The following IL13RA1 variants were observed in gnomAD, a reference collection of about 807,000 sequenced individuals.
IL13RA1 encodes interleukin 13 receptor subunit alpha 1.
A neutral mutation model predicts 33.8 loss-of-function variants in IL13RA1; 14 were observed. The observed-to-expected ratio is 0.41, with a 90% confidence interval of 0.27 to 0.65. The LOEUF is 0.65. Among genes scored for constraint, IL13RA1 ranks in the 30% least tolerant of loss-of-function variants. The probability of loss-of-function intolerance (pLI) is 0.28; values close to 1 mark genes in which losing one functional copy is unlikely to be tolerated. For missense variants in IL13RA1, 313 were observed against 327.0 expected, an observed-to-expected ratio of 0.96 and a Z score of 0.33; for synonymous variants, 116 against 115.7, an observed-to-expected ratio of 1.00 and a Z score of -0.02.
rs754951330 is a variant in IL13RA1 at position 118,746,939 on chromosome X, AT to A, written c.229-11del. 1.7e-6 allele frequency: 2 copies of A among 1,171,712 alleles called. No homozygotes were observed. The highest frequency in any genetic ancestry group is 3.7e-5 in the South Asian group (2 of 54,219). ...GTTAGCTGAAGCAATGCCTTTTTCA[AT>A]TTTCTAACCTTAGAAAATAGCTCCG... is the stretch of plus-strand genomic sequence containing the variant. On this transcript the variant is annotated splice_polypyrimidine_tract_variant and intron_variant, in intron 2 of 10. Transcript: ENST00000371666.
downstream of IL13RA1, chrX:118,794,593 G>A (rs1218376531): frequency 8.9e-6 from 1 of 111,843 alleles, no homozygotes; most frequent in Non-Finnish European, 1.9e-5. Flanking sequence ...GAAAATTGGA[G>A]TTAAAAGAAG....
intron 1 of IL13RA1, among the ~76,000 whole-genome samples, chrX:118,730,276 C>G (rs1056711794): frequency 8.9e-6 from 1 of 111,881 alleles, no homozygotes; most frequent in Non-Finnish European, 1.9e-5. Context: ...TCAGCCTGGG[C>G]GACAGAGCAA....
At chrX:118,784,178 C>A (rs2017891757) in intron 10 of IL13RA1, among the ~76,000 whole-genome samples, 2 of 78,500 alleles carry the variant, frequency 2.5e-5, no homozygotes, top group South Asian at 6.6e-4. Flanking sequence ...TATATATATT[C>A]TTTTAAAAGC....
At chrX:118,787,094 G>A (rs1338074663) in intron 10 of IL13RA1, among the ~76,000 whole-genome samples, 1 of 111,802 alleles carries the variant, frequency 8.9e-6, no homozygotes, top group African/African-American at 3.3e-5. Flanking sequence ...TTTTGTTGTA[G>A]ATTTCATCTT....
chrX:118,758,965 C>CT (rs1484973646), intron 5 of IL13RA1: 1 of 111,863 alleles, frequency 8.9e-6, no homozygotes, highest in Non-Finnish European at 1.9e-5. Flanking sequence ...CCATCTGACT[C>CT]TAAGGTCTAG....
At chrX:118,788,626 C>T (rs1236407751) in intron 10 of IL13RA1, among the ~76,000 whole-genome samples, 2 of 111,361 alleles carry the variant, frequency 1.8e-5, no homozygotes, top group Non-Finnish European at 3.8e-5. Context: ...ACCCTGGTCC[C>T]CTATAATATA....
chrX:118,737,605 A>G (rs1268922372), intron 1 of IL13RA1, among the ~76,000 whole-genome samples: 2 of 112,387 alleles, frequency 1.8e-5, no homozygotes, highest in Non-Finnish European at 3.8e-5. Context: ...CAAACCAGTT[A>G]GAAGATCTGA....
intron 3 of IL13RA1, among the ~76,000 whole-genome samples, chrX:118,748,111 AATAT>A (rs2017430209): frequency 9.9e-6 from 1 of 101,085 alleles, no homozygotes; most frequent in Non-Finnish European, 2.0e-5. Flanking sequence ...CATTATATGT[AATAT>A]ATATAATATT....
chrX:118,758,328 C>G (rs2997048), intron 5 of IL13RA1, 86 bp downstream of exon 5: 112,057 of 439,327 alleles, frequency 0.26, 12,680 homozygotes, highest in African/African-American at 0.52. Flanking sequence ...AAAAAATGAT[C>G]ATTCTGGGTT....
the IL13RA1 span, among the ~76,000 whole-genome samples, chrX:118,803,891 TTCC>T: frequency 2.0e-5 from 2 of 100,949 alleles, no homozygotes; most frequent in Non-Finnish European, 4.0e-5. Flanking sequence ...CCTTCCTTCC[TTCC>T]TTCCTTCCTT....
At chrX:118,731,592 A>G (rs1289572451) in intron 1 of IL13RA1, among the ~76,000 whole-genome samples, 2 of 111,224 alleles carry the variant, frequency 1.8e-5, no homozygotes, top group Admixed American at 9.5e-5. Flanking sequence ...AAAAAAAAAA[A>G]AAGCAACTCT....
intron 1 of IL13RA1, among the ~76,000 whole-genome samples, chrX:118,735,342 C>A (rs1187620724): frequency 9.0e-6 from 1 of 110,723 alleles, no homozygotes; most frequent in Non-Finnish European, 1.9e-5. Flanking sequence ...TTATTTCCTT[C>A]CTTATGATAG....
chrX:118,794,837 C>T (rs1241126143), downstream of IL13RA1, among the ~76,000 whole-genome samples: 1 of 111,251 alleles, frequency 9.0e-6, no homozygotes, highest in Non-Finnish European at 1.9e-5. Context: ...TAATATTAAG[C>T]TAAAGTGGAA....
chrX:118,749,040 C>T (rs1049138027), intron 3 of IL13RA1, among the ~76,000 whole-genome samples: 2 of 111,492 alleles, frequency 1.8e-5, no homozygotes, highest in Middle Eastern at 4.6e-3. Flanking sequence ...CTCAGCCTCC[C>T]GAGTAGCTGG....
At chrX:118,780,739 C>A (rs2017834238) in intron 10 of IL13RA1, among the ~76,000 whole-genome samples, 1 of 112,102 alleles carries the variant, frequency 8.9e-6, no homozygotes, top group Admixed American at 9.5e-5. Context: ...CCAAACACTT[C>A]CCACCAGGCC....
At chrX:118,730,113 A>C (rs2017199715) in intron 1 of IL13RA1, among the ~76,000 whole-genome samples, 1 of 112,104 alleles carries the variant, frequency 8.9e-6, no homozygotes, top group African/African-American at 3.2e-5. Context: ...GAGCCTGGCC[A>C]ACATGGCAAA....
chrX:118,780,121 A>T (rs1048641331), intron 10 of IL13RA1, among the ~76,000 whole-genome samples: 1 of 112,168 alleles, frequency 8.9e-6, no homozygotes, highest in Non-Finnish European at 1.9e-5. Flanking sequence ...AAAATTCCAG[A>T]TATGGGGAAG....
intron 1 of IL13RA1, among the ~76,000 whole-genome samples, chrX:118,739,328 G>T (rs1052356413): frequency 1.8e-5 from 2 of 111,804 alleles, no homozygotes; most frequent in Non-Finnish European, 3.8e-5. Flanking sequence ...CAGAGTGTCT[G>T]TGAGTTTGAT....
intron 4 of IL13RA1, among the ~76,000 whole-genome samples, chrX:118,750,789 G>C (rs1388358791): frequency 1.1e-4 from 12 of 110,169 alleles, no homozygotes; most frequent in African/African-American, 3.3e-5. Flanking sequence ...ATATGTCCGG[G>C]GTCAAAAAGT....
Sources: allele counts gnomAD v4.1 joint callset (sites outside exome capture counted in the v4.1 genomes callset), GRCh38; gene constraint gnomAD v4.1.1; transcripts MANE v1.5; gene names NCBI Gene and HGNC (gene_info 2026-07-23, HGNC 2026-07-21).